SLCO1A2: variants seen among roughly 807,000 people sequenced by gnomAD.
SLCO1A2 encodes solute carrier organic anion transporter family member 1A2.
Under a neutral mutation model 69.0 loss-of-function variants are expected in SLCO1A2, and 67 were observed. The observed-to-expected ratio is 0.97, with a 90% CI of 0.80 to 1.19. SLCO1A2 has a LOEUF of 1.19. SLCO1A2 is among the 50% of genes most tolerant of loss of function. The pLI, the probability that SLCO1A2 is intolerant of heterozygous loss-of-function variation, is 0.00. For synonymous variants in SLCO1A2, 260 were observed against 265.9 expected (o/e 0.98, Z 0.22); for missense variants, 787 against 793.7 (o/e 0.99, Z 0.10).
At chr12:21,270,012 T>A (rs1003972889) in intron 14 of SLCO1A2, among the ~76,000 whole-genome samples, 1 of 141,338 alleles carries the variant, frequency 7.1e-6, no homozygotes, top group East Asian at 2.2e-4. Flanking sequence ...TGTTTTATTA[T>A]TGTTGTTATA....
chr12:21,313,760 G>A (rs1288215605), intron 4 of SLCO1A2, among the ~76,000 whole-genome samples: 2 of 151,732 alleles, frequency 1.3e-5, no homozygotes, highest in East Asian at 1.9e-4. Flanking sequence ...CACGAGGTTA[G>A]GAGATCGAGA....
intron 2 of SLCO1A2, chr12:21,372,820 A>G (rs1417131034): frequency 6.3e-6 from 1 of 159,836 alleles, no homozygotes; most frequent in Non-Finnish European, 1.4e-5. Flanking sequence ...GAAATTAATG[A>G]CAGAGGCTCT....
At chr12:21,418,132 G>C (rs551717334), upstream of SLCO1A2, 3 of 152,124 alleles carry the variant, frequency 2.0e-5, no homozygotes, top group Non-Finnish European at 4.4e-5. Flanking sequence ...GGCAACAAAG[G>C]GAAGCTAAAC....
rs75175719 is a variant in SLCO1A2 at position 21,331,466 on chromosome 12, G to T, written c.60+3122C>A. Among the ~76,000 whole-genome samples the T allele has an allele frequency of 4.2e-3, 640 of 152,140 alleles. 9 individuals are homozygous for T. The highest frequency in any genetic ancestry group is 0.015 in the African/African-American group (616 of 41,520). ...AATTTGGAATTCTCATTTGAATTTG[G>T]CCAAGTTGGGTACAGTTGGTCAAAT... is the stretch of plus-strand genomic sequence containing the variant. On this transcript the variant is annotated intron_variant, in intron 2 of 14. Coordinates refer to ENST00000683939, the MANE Select transcript of SLCO1A2 (RefSeq NM_001386879.1).
chr12:21,391,583 G>C (rs1941155315), intron 1 of SLCO1A2, among the ~76,000 whole-genome samples: 1 of 152,012 alleles, frequency 6.6e-6, no homozygotes, highest in African/African-American at 2.4e-5. Context: ...AGTAAGTGCA[G>C]GTACCTTGAA....
At chr12:21,308,984 G>A (rs1345126892) in intron 4 of SLCO1A2, among the ~76,000 whole-genome samples, 1 of 152,132 alleles carries the variant, frequency 6.6e-6, no homozygotes, top group Non-Finnish European at 1.5e-5. Flanking sequence ...AGACCAAGAA[G>A]AAAGATGAAC....
intron 14 of SLCO1A2, among the ~76,000 whole-genome samples, chr12:21,272,283 A>T (rs967494321): frequency 6.6e-6 from 1 of 151,820 alleles, no homozygotes; most frequent in Non-Finnish European, 1.5e-5. Context: ...ATATACATTT[A>T]TCTGTATATT....
intron 4 of SLCO1A2, among the ~76,000 whole-genome samples, chr12:21,307,860 A>G (rs1415836834): frequency 6.6e-6 from 1 of 152,152 alleles, no homozygotes; most frequent in Non-Finnish European, 1.5e-5. Context: ...GCTATAGGAT[A>G]TAATAAAAAG....
chr12:21,366,155 T>C (rs879475692), intron 2 of SLCO1A2, among the ~76,000 whole-genome samples: 8 of 152,180 alleles, frequency 5.3e-5, no homozygotes, highest in Non-Finnish European at 1.0e-4. Context: ...AACCCAAATG[T>C]CCATCAGTGA....
intron 14 of SLCO1A2, among the ~76,000 whole-genome samples, chr12:21,272,237 T>TGAGTC (rs1171524723): frequency 2.6e-5 from 4 of 151,828 alleles, no homozygotes; most frequent in African/African-American, 9.7e-5. Flanking sequence ...TATAGATGTA[T>TGAGTC]TATAGATTCA....
chr12:21,275,445 T>G, intron 12 of SLCO1A2, 21 bp from the exon 13 acceptor site: 1 of 1,425,902 alleles, frequency 7.0e-7, no homozygotes, highest in Non-Finnish European at 9.3e-7. Flanking sequence ...AATAAGTTTG[T>G]AAATAAAAGA....
intron 2 of SLCO1A2, among the ~76,000 whole-genome samples, chr12:21,343,992 A>G (rs1040091758): frequency 2.6e-5 from 4 of 152,146 alleles, no homozygotes; most frequent in African/African-American, 9.7e-5. Context: ...TGGGTCCAAC[A>G]TATTCCTTTT....
intron 3 of SLCO1A2, among the ~76,000 whole-genome samples, chr12:21,318,270 C>CT (rs1452858299): frequency 6.6e-6 from 1 of 152,042 alleles, no homozygotes; most frequent in African/African-American, 2.4e-5. Context: ...AGGCGCCCGC[C>CT]ACCATACCCG....
chr12:21,314,307 A>T (rs1387453041), intron 4 of SLCO1A2, among the ~76,000 whole-genome samples: 1 of 152,172 alleles, frequency 6.6e-6, no homozygotes, highest in Non-Finnish European at 1.5e-5. Context: ...TCTTTTCACC[A>T]GACTCAACTC....
chr12:21,305,694 C>A (rs1202300338), intron 5 of SLCO1A2, among the ~76,000 whole-genome samples: 1 of 152,242 alleles, frequency 6.6e-6, no homozygotes, highest in African/African-American at 2.4e-5. Flanking sequence ...ATAGCCCGCT[C>A]AGGAAGAGAA....
intron 11 of SLCO1A2, among the ~76,000 whole-genome samples, chr12:21,293,481 A>G (rs762820478): frequency 3.3e-5 from 5 of 151,944 alleles, no homozygotes; most frequent in African/African-American, 4.8e-5. Context: ...TCTTAGAGGC[A>G]AGAGAACATT....
intron 2 of SLCO1A2, among the ~76,000 whole-genome samples, chr12:21,357,803 T>TA (rs531567143): frequency 2.0e-5 from 3 of 152,270 alleles, no homozygotes; most frequent in Admixed American, 6.5e-5. Flanking sequence ...CAGGAGTCCT[T>TA]AAAAAATGCA....
chr12:21,392,625 G>A (rs1941218471), intron 1 of SLCO1A2, among the ~76,000 whole-genome samples: 1 of 152,118 alleles, frequency 6.6e-6, no homozygotes, highest in Non-Finnish European at 1.5e-5. Flanking sequence ...TCTACCCTTT[G>A]ATCTCTAGTG....
upstream of SLCO1A2, among the ~76,000 whole-genome samples, chr12:21,397,655 G>C (rs1941523900): frequency 6.6e-6 from 1 of 151,248 alleles, no homozygotes. Flanking sequence ...GAAAAGAACA[G>C]AAATTATAAC....
Sources: allele counts gnomAD v4.1 joint callset (sites outside exome capture counted in the v4.1 genomes callset), GRCh38; gene constraint gnomAD v4.1.1; transcripts MANE v1.5; gene names NCBI Gene and HGNC (gene_info 2026-07-23, HGNC 2026-07-21).